Variants in SRPK2 observed in about 807,000 individuals in gnomAD.
SRPK2 encodes the protein SFRS protein kinase 2.
SRPK2 carries 21 observed loss-of-function variants against 90.8 expected under a neutral mutation model. The observed-to-expected ratio is 0.23, with a 90% CI of 0.16 to 0.33. The LOEUF (loss-of-function observed/expected upper bound fraction) is 0.33, where lower values mean the gene tolerates loss of function less well. Ranked by LOEUF, SRPK2 falls within the 10% of genes least tolerant of loss-of-function variation. The pLI, the probability that SRPK2 is intolerant of heterozygous loss-of-function variation, is 1.00. For synonymous variants in SRPK2, 288 were observed against 311.1 expected (o/e 0.93, Z 0.78); for missense variants, 620 against 869.0 (o/e 0.71, Z 3.60).
intron 2 of SRPK2, among the ~76,000 whole-genome samples, chr7:105,326,059 T>G (rs1216373696): frequency 3.3e-5 from 5 of 152,222 alleles, no homozygotes; most frequent in African/African-American, 4.8e-5. Context: ...AGAGCCATCA[T>G]CCTGGAAAAC....
At chr7:105,226,483 G>A (rs1384873013) in intron 2 of SRPK2, among the ~76,000 whole-genome samples, 1 of 151,946 alleles carries the variant, frequency 6.6e-6, no homozygotes, top group African/African-American at 2.4e-5. Flanking sequence ...TAGAGTTGGG[G>A]TTTCACCACG....
chr7:105,305,664 TCCCTA>T (rs1276921418), intron 2 of SRPK2, among the ~76,000 whole-genome samples: 1 of 152,170 alleles, frequency 6.6e-6, no homozygotes, highest in Non-Finnish European at 1.5e-5. Flanking sequence ...AAACACTCTT[TCCCTA>T]CCCTCTTAGA....
At chr7:105,223,079 G>A (rs1798299856) in intron 2 of SRPK2, among the ~76,000 whole-genome samples, 1 of 152,230 alleles carries the variant, frequency 6.6e-6, no homozygotes, top group Non-Finnish European at 1.5e-5. Context: ...TGACCACTGA[G>A]CGCATACAGT....
rs111782314 is a variant in SRPK2 at position 105,254,995 on chromosome 7, G to A, written c.72-51210C>T. Among the ~76,000 whole-genome samples the A allele has an allele frequency of 3.2e-3, 485 of 151,654 alleles. 2 individuals carry two copies. Among genetic ancestry groups the A allele is most frequent in the African/African-American group, 0.011 (464 of 41,480 alleles). On this transcript the variant is annotated intron_variant, in intron 2 of 15. Transcript: ENST00000393651. ...ATGAGCCACTGCATCTGGCCCATCTGCTTTTTATAGATCTTAGACTAAAAC... is the reference window on the plus strand; with the variant it reads ...ATGAGCCACTGCATCTGGCCCATCTACTTTTTATAGATCTTAGACTAAAAC...
At chr7:105,131,627 C>T (rs1333481589) in intron 13 of SRPK2, among the ~76,000 whole-genome samples, 2 of 152,168 alleles carry the variant, frequency 1.3e-5, no homozygotes, top group Non-Finnish European at 1.5e-5. Flanking sequence ...TCTTTTTCTC[C>T]TATCAGCTGG....
chr7:105,207,157 G>A (rs1796321531), intron 2 of SRPK2, among the ~76,000 whole-genome samples: 1 of 152,192 alleles, frequency 6.6e-6, no homozygotes, highest in African/African-American at 2.4e-5. Context: ...TTCATTTTGA[G>A]ACAGGGTCTC....
chr7:105,344,406 CCTTTTTTTTTT>C (rs1343780352), intron 2 of SRPK2, among the ~76,000 whole-genome samples: 1 of 128,610 alleles, frequency 7.8e-6, no homozygotes, highest in Non-Finnish European at 1.6e-5. Flanking sequence ...TGCAGCCACA[CCTTTTTTTTTT>C]TTTTTTTTTT....
intron 2 of SRPK2, among the ~76,000 whole-genome samples, chr7:105,344,799 C>A (rs1347738323): frequency 6.7e-6 from 1 of 149,518 alleles, no homozygotes; most frequent in East Asian, 2.0e-4. Context: ...ATTAGGCATT[C>A]TTCTGATTTA....
intron 2 of SRPK2, among the ~76,000 whole-genome samples, chr7:105,260,149 C>T (rs926612936): frequency 6.6e-6 from 1 of 152,078 alleles, no homozygotes; most frequent in African/African-American, 2.4e-5. Flanking sequence ...TGACAAAGGG[C>T]TAATATCCAG....
chr7:105,247,686 AT>A (rs2129629348), intron 2 of SRPK2, among the ~76,000 whole-genome samples: 1 of 151,410 alleles, frequency 6.6e-6, no homozygotes, highest in African/African-American at 2.4e-5. Flanking sequence ...AATTCTTGGT[AT>A]TTTAATTGAC....
chr7:105,393,463 T>A (rs1042881636), upstream of SRPK2, among the ~76,000 whole-genome samples: 1 of 140,540 alleles, frequency 7.1e-6, no homozygotes, highest in Non-Finnish European at 1.5e-5. Context: ...GTTTTTCTTT[T>A]TTTTTTTTTT....
chr7:105,178,546 G>A (rs534648290), intron 3 of SRPK2, among the ~76,000 whole-genome samples: 15 of 152,318 alleles, frequency 9.8e-5, no homozygotes, highest in Non-Finnish European at 1.9e-4. Context: ...AGTAACAACA[G>A]GCTGGGCATG....
chr7:105,301,793 T>C (rs1391846143), intron 2 of SRPK2: 7 of 1,572,804 alleles, frequency 4.5e-6, no homozygotes, highest in Non-Finnish European at 6.1e-6. Flanking sequence ...TAGAAGCTAA[T>C]CTTGGAACCG....
rs756098443 is a variant in SRPK2, at chr7:105,183,466, GT to G, written c.230-14202del. ...ATATCAGATCGTAAATGGCTAGCGGGTTTTTTTTGTTTGTTTGTTTGTCTAT... is the reference window on the plus strand; with the variant it reads ...ATATCAGATCGTAAATGGCTAGCGGGTTTTTTTGTTTGTTTGTTTGTCTAT... On this transcript the variant is annotated intron_variant, in intron 3 of 15. Coordinates refer to ENST00000393651, the MANE Select transcript of SRPK2 (RefSeq NM_182692.3). Among the ~76,000 whole-genome samples the G allele has an allele frequency of 9.7e-4, 147 of 151,658 alleles. 1 individual carries two copies. Among genetic ancestry groups the G allele is most frequent in the African/African-American group, 3.4e-3 (139 of 41,288 alleles).
At chr7:105,381,195 G>C (rs927655261) in intron 2 of SRPK2, among the ~76,000 whole-genome samples, 6 of 151,914 alleles carry the variant, frequency 3.9e-5, no homozygotes, top group Non-Finnish European at 8.8e-5. Flanking sequence ...ACTGAGCCAA[G>C]ATCATGCCAC....
At chr7:105,259,676 A>G (rs900634266) in intron 2 of SRPK2, among the ~76,000 whole-genome samples, 1 of 152,232 alleles carries the variant, frequency 6.6e-6, no homozygotes, top group Non-Finnish European at 1.5e-5. Flanking sequence ...TGGTACTGGT[A>G]CCAAAACTGA....
chr7:105,261,416 G>C (rs1804265750), intron 2 of SRPK2, among the ~76,000 whole-genome samples: 2 of 152,030 alleles, frequency 1.3e-5, no homozygotes, highest in Non-Finnish European at 2.9e-5. Flanking sequence ...AGCTACTCAG[G>C]AGGCTGAGGC....
chr7:105,294,444 C>T (rs1359264748), intron 2 of SRPK2, among the ~76,000 whole-genome samples: 1 of 152,134 alleles, frequency 6.6e-6, no homozygotes, highest in Non-Finnish European at 1.5e-5. Flanking sequence ...TTAAAGGCTA[C>T]CATCCCTTGT....
At chr7:105,363,414 G>A (rs1209307580) in intron 2 of SRPK2, among the ~76,000 whole-genome samples, 5 of 152,040 alleles carry the variant, frequency 3.3e-5, no homozygotes, top group East Asian at 3.9e-4. Context: ...GCAACCAACA[G>A]ACACATGAAA....
Sources: gnomAD v4.1 joint callset for allele counts (sites outside exome capture counted in the v4.1 genomes callset) on GRCh38, gnomAD v4.1.1 for gene constraint, MANE v1.5 for transcripts, NCBI Gene and HGNC (gene_info 2026-07-23, HGNC 2026-07-21) for gene names.